Variants in RARB observed in about 807,000 individuals in gnomAD.
The protein encoded by RARB is HBV-activated protein.
RARB carries 17 observed loss-of-function variants against 51.9 expected under a neutral mutation model. The observed-to-expected ratio is 0.33, with a 90% CI of 0.22 to 0.49. RARB has a LOEUF of 0.49. RARB is among the 20% of genes least tolerant of loss of function. The probability of loss-of-function intolerance (pLI) is 0.99; values close to 1 mark genes in which losing one functional copy is unlikely to be tolerated. For missense variants in RARB, 369 were observed against 550.8 expected (o/e 0.67, Z 3.30); for synonymous variants, 215 against 195.4 (o/e 1.10, Z -0.84).
chr3:25,414,175 G>C (rs1707640664), intron 5 of RARB, among the ~76,000 whole-genome samples: 1 of 152,088 alleles, frequency 6.6e-6, no homozygotes, highest in African/African-American at 2.4e-5. Context: ...TTATACATTA[G>C]CTACTATTGT....
intron 5 of RARB, among the ~76,000 whole-genome samples, chr3:25,226,161 C>T (rs573440854): frequency 6.6e-6 from 1 of 152,184 alleles, no homozygotes; most frequent in South Asian, 2.1e-4. Context: ...AAAATGTTGC[C>T]TTTCCCTTAT....
intron 5 of RARB, among the ~76,000 whole-genome samples, chr3:25,228,437 TGGC>T (rs1559513979): frequency 2.6e-5 from 4 of 152,010 alleles, no homozygotes; most frequent in African/African-American, 9.7e-5. Flanking sequence ...AGTAATTTTA[TGGC>T]TTTATCTTCT....
rs62230581 is a variant in RARB, at chr3:24,964,686, A to G, written c.-379-95439A>G. Among the ~76,000 whole-genome samples, 1,399 of 152,292 alleles carry G rather than the reference A, an allele frequency of 9.2e-3. 11 individuals carry two copies. Among genetic ancestry groups the G allele is most frequent in the Non-Finnish European group, 0.013 (884 of 68,022 alleles). ...CCAGTGAAGTTGGGAGTAACGAACC[A>G]TTGACTAATCTGATGATTTTTCAGT... On this transcript the variant is annotated intron_variant, in intron 2 of 11. Transcript: ENST00000383772.
intron 4 of RARB, among the ~76,000 whole-genome samples, chr3:25,169,140 T>G (rs1258591554): frequency 2.0e-5 from 3 of 152,148 alleles, no homozygotes; most frequent in Non-Finnish European, 2.9e-5. Context: ...ATATTGTAAT[T>G]CATGCAGAGT....
intron 3 of RARB, among the ~76,000 whole-genome samples, chr3:25,524,728 T>G (rs992425328): frequency 9.2e-5 from 14 of 152,022 alleles, no homozygotes; most frequent in African/African-American, 3.4e-4. Flanking sequence ...TTTTTCTTTT[T>G]TATCATTATT....
chr3:24,854,641 A>C (rs1702609543), intron 1 of RARB, among the ~76,000 whole-genome samples: 1 of 152,154 alleles, frequency 6.6e-6, no homozygotes, highest in Non-Finnish European at 1.5e-5. Context: ...CTTGATGCAT[A>C]GTAGCATTTA....
At chr3:25,350,861 C>G (rs903995094) in intron 5 of RARB, among the ~76,000 whole-genome samples, 1 of 152,148 alleles carries the variant, frequency 6.6e-6, no homozygotes, top group Non-Finnish European at 1.5e-5. Flanking sequence ...CTGCATGTCC[C>G]CTTGTTGCAT....
chr3:25,330,764 G>C (rs1704867999), intron 5 of RARB, among the ~76,000 whole-genome samples: 1 of 152,098 alleles, frequency 6.6e-6, no homozygotes, highest in African/African-American at 2.4e-5. Context: ...GTATTCAGGA[G>C]ACCCATCTCA....
At chr3:25,029,899 T>C (rs1342680643) in intron 2 of RARB, among the ~76,000 whole-genome samples, 2 of 152,218 alleles carry the variant, frequency 1.3e-5, no homozygotes, top group Non-Finnish European at 2.9e-5. Context: ...CAAGAAATCA[T>C]ATCAGAGTGA....
intron 2 of RARB, among the ~76,000 whole-genome samples, chr3:25,484,412 AGAGT>A (rs1225095607): frequency 6.6e-6 from 1 of 152,106 alleles, no homozygotes; most frequent in Non-Finnish European, 1.5e-5. Context: ...CATGTGTGAG[AGAGT>A]GAGAAAGAGA....
intron 2 of RARB, among the ~76,000 whole-genome samples, chr3:25,002,760 G>GTA (rs1043612962): frequency 1.7e-4 from 24 of 145,008 alleles, no homozygotes; most frequent in South Asian, 8.7e-4. Flanking sequence ...GTGTGTGTGT[G>GTA]TATATATATA....
intron 2 of RARB, among the ~76,000 whole-genome samples, chr3:24,878,575 C>T (rs573555304): frequency 1.3e-4 from 20 of 152,202 alleles, no homozygotes; most frequent in African/African-American, 3.9e-4. Flanking sequence ...ACAGGTAATT[C>T]TGTGTTATCA....
chr3:25,141,521 C>T (rs1700106717), intron 4 of RARB, among the ~76,000 whole-genome samples: 1 of 152,078 alleles, frequency 6.6e-6, no homozygotes, highest in Non-Finnish European at 1.5e-5. Flanking sequence ...CCTCCCATTG[C>T]CTGGAGTACC....
chr3:25,509,238 C>T (rs936824803), intron 3 of RARB, among the ~76,000 whole-genome samples: 2 of 152,144 alleles, frequency 1.3e-5, no homozygotes, highest in East Asian at 1.9e-4. Context: ...TAACCCATTG[C>T]GTGGAGATTA....
intron 5 of RARB, among the ~76,000 whole-genome samples, chr3:25,356,465 TTTAATAA>T (rs1189670347): frequency 2.0e-5 from 3 of 152,138 alleles, no homozygotes; most frequent in African/African-American, 7.2e-5. Context: ...TTTGATAATC[TTTAATAA>T]TTTACATGAA....
chr3:25,438,819 GA>G (rs1262245683), intron 1 of RARB, among the ~76,000 whole-genome samples: 2 of 152,166 alleles, frequency 1.3e-5, no homozygotes, highest in Non-Finnish European at 2.9e-5. Context: ...GGAAAGGTAG[GA>G]AAAAGAGAGG....
At chr3:24,905,594 A>G (rs950897078) in intron 2 of RARB, among the ~76,000 whole-genome samples, 1 of 152,224 alleles carries the variant, frequency 6.6e-6, no homozygotes, top group African/African-American at 2.4e-5. Context: ...TAAAAAAGGA[A>G]AAGGATAGTT....
intron 2 of RARB, among the ~76,000 whole-genome samples, chr3:25,056,547 T>C (rs1575139549): frequency 6.6e-6 from 1 of 152,126 alleles, no homozygotes; most frequent in East Asian, 1.9e-4. Context: ...ATCTACTGGA[T>C]TCTTGCCACA....
chr3:25,389,823 T>C lies in RARB; in HGVS notation c.179-71370T>C, dbSNP rs113099040. Among the ~76,000 whole-genome samples, 555 of 152,232 alleles carry C rather than the reference T, an allele frequency of 3.6e-3. 1 individual carries two copies. Among genetic ancestry groups the C allele is most frequent in the African/African-American group, 0.013 (524 of 41,508 alleles). On this transcript the variant is annotated intron_variant, in intron 5 of 11. Transcript: ENST00000383772. ...ATAACTAGTTATCTTTGAAGTGCAT[T>C]GGGGCACAAGGGAAAAGAGCATTAG...
Sources: allele counts gnomAD v4.1 joint callset (sites outside exome capture counted in the v4.1 genomes callset), GRCh38; gene constraint gnomAD v4.1.1; transcripts MANE v1.5; gene names NCBI Gene and HGNC (gene_info 2026-07-23, HGNC 2026-07-21).